The following RBFOX1 variants were observed in gnomAD, a reference collection of about 807,000 sequenced individuals.
The protein encoded by RBFOX1 is RNA binding protein fox-1 homolog 1.
RBFOX1 carries 8 observed loss-of-function variants against 57.7 expected under a neutral mutation model. That is an observed-to-expected ratio of 0.14 (90% CI 0.08 to 0.25). The LOEUF is 0.25. Among genes scored for constraint, RBFOX1 ranks in the 10% least tolerant of loss-of-function variants. The probability of loss-of-function intolerance (pLI) is 1.00; values close to 1 mark genes in which losing one functional copy is unlikely to be tolerated. For missense variants in RBFOX1, 611 were observed against 548.5 expected (o/e 1.11, Z -1.14); for synonymous variants, 326 against 222.4 (o/e 1.47, Z -4.15).
At chr16:6,468,069 G>C (rs144507629) in intron 2 of RBFOX1, among the ~76,000 whole-genome samples, 220 of 152,238 alleles carry the variant, frequency 1.4e-3, no homozygotes, top group Middle Eastern at 6.8e-3. Context: ...TGGTTTGGGG[G>C]AATACGGAGT....
intron 10 of RBFOX1, among the ~76,000 whole-genome samples, chr16:7,623,440 G>A (rs1051621187): frequency 6.6e-6 from 1 of 152,136 alleles, no homozygotes; most frequent in Non-Finnish European, 1.5e-5. Context: ...AGGCAGTGAC[G>A]GATCAGGCAT....
intron 3 of RBFOX1, among the ~76,000 whole-genome samples, chr16:6,815,897 C>G (rs557243876): frequency 6.6e-6 from 1 of 152,220 alleles, no homozygotes; most frequent in East Asian, 1.9e-4. Flanking sequence ...AAATAATTTA[C>G]TTCCACTGAA....
At chr16:5,743,214 A>T (rs1157923306) in intron 3 of RBFOX1, among the ~76,000 whole-genome samples, 1 of 152,244 alleles carries the variant, frequency 6.6e-6, no homozygotes, top group Non-Finnish European at 1.5e-5. Context: ...GAATCTGAAC[A>T]AATAGAAGGC....
chr16:7,354,832 A>G (rs1013951535), intron 4 of RBFOX1, among the ~76,000 whole-genome samples: 2 of 152,226 alleles, frequency 1.3e-5, no homozygotes, highest in African/African-American at 4.8e-5. Context: ...TGTACTAGAC[A>G]GTATGATATA....
intron 3 of RBFOX1, among the ~76,000 whole-genome samples, chr16:6,686,759 A>G (rs893915248): frequency 2.0e-5 from 3 of 151,694 alleles, no homozygotes; most frequent in African/African-American, 7.3e-5. Flanking sequence ...TTTTCTCCCA[A>G]CCTCCCCCAT....
intron 2 of RBFOX1, among the ~76,000 whole-genome samples, chr16:6,390,601 T>C (rs2092552549): frequency 6.6e-6 from 1 of 152,004 alleles, no homozygotes; most frequent in Admixed American, 6.6e-5. Flanking sequence ...ATGATTTAAA[T>C]TAAATAAAAT....
At chr16:7,465,209 G>A (rs1337043207) in intron 4 of RBFOX1, among the ~76,000 whole-genome samples, 1 of 152,076 alleles carries the variant, frequency 6.6e-6, no homozygotes, top group East Asian at 1.9e-4. Context: ...AATCTTGTCA[G>A]CAAACTCTCA....
intron 4 of RBFOX1, among the ~76,000 whole-genome samples, chr16:7,360,004 C>G (rs1036122476): frequency 1.5e-4 from 22 of 146,578 alleles, no homozygotes; most frequent in African/African-American, 5.1e-4. Context: ...AAAAAACAAA[C>G]AAACAAAAAA....
At chr16:6,643,134 A>C (rs1016475554) in intron 2 of RBFOX1, among the ~76,000 whole-genome samples, 2 of 152,350 alleles carry the variant, frequency 1.3e-5, no homozygotes, top group East Asian at 1.9e-4. Context: ...CTTAGTAATT[A>C]AAACATGCAG....
chr16:5,776,893 T>C (rs1363637614), intron 3 of RBFOX1, among the ~76,000 whole-genome samples: 1 of 152,208 alleles, frequency 6.6e-6, no homozygotes, highest in Non-Finnish European at 1.5e-5. Context: ...TTGCCATGGA[T>C]GTATGGATGT....
chr16:6,129,344 G>T (rs1177427076), intron 1 of RBFOX1, among the ~76,000 whole-genome samples: 2 of 152,062 alleles, frequency 1.3e-5, no homozygotes, highest in African/African-American at 4.8e-5. Context: ...GGAATCAAAT[G>T]GAAAGTTTAG....
At position 7,453,487 on chromosome 16, in the gene RBFOX1, A is replaced by G. The variant is rs190370645; in HGVS notation, c.28-64660A>G. 9.6e-4 allele frequency among the ~76,000 whole-genome samples: 146 copies of G among 152,304 alleles called. 1 individual carries two copies. In the Middle Eastern group the frequency reaches 0.01, roughly 11 times the overall value. On this transcript the variant is annotated intron_variant, in intron 4 of 15. Transcript: ENST00000550418. ...TAGGGATTCATTAAAGGTTTTAAGCATTGTAGCCTTAAAAGGACGAGCAGG... is the reference window on the plus strand; with the variant it reads ...TAGGGATTCATTAAAGGTTTTAAGCGTTGTAGCCTTAAAAGGACGAGCAGG...
chr16:5,280,846 C>T (rs1385272313), intron 1 of RBFOX1, among the ~76,000 whole-genome samples: 1 of 150,720 alleles, frequency 6.6e-6, no homozygotes, highest in Admixed American at 6.6e-5. Flanking sequence ...TGGTTAGCCT[C>T]ACTAGTGGTT....
intron 3 of RBFOX1, among the ~76,000 whole-genome samples, chr16:6,918,695 A>G (rs2073806154): frequency 2.6e-5 from 4 of 152,192 alleles, no homozygotes; most frequent in Admixed American, 2.6e-4. Flanking sequence ...GTCGTTTCAG[A>G]GAAAGAAATC....
At chr16:6,869,669 T>C (rs1177005073) in intron 3 of RBFOX1, among the ~76,000 whole-genome samples, 2 of 152,212 alleles carry the variant, frequency 1.3e-5, no homozygotes, top group Non-Finnish European at 2.9e-5. Context: ...TTTACCCTTC[T>C]CAAAACAAAT....
At chr16:6,281,983 G>C (rs891069567) in intron 1 of RBFOX1, among the ~76,000 whole-genome samples, 1 of 152,102 alleles carries the variant, frequency 6.6e-6, no homozygotes, top group East Asian at 1.9e-4. Flanking sequence ...ACGGGTGAGC[G>C]TTTGTTATTG....
chr16:5,719,165 G>T (rs2051833585), intron 3 of RBFOX1, among the ~76,000 whole-genome samples: 2 of 151,376 alleles, frequency 1.3e-5, no homozygotes, highest in African/African-American at 2.4e-5. Flanking sequence ...CGTATCTACG[G>T]AGTTGGAAGG....
chr16:7,102,128 A>G (rs554349090), intron 4 of RBFOX1, among the ~76,000 whole-genome samples: 3 of 152,216 alleles, frequency 2.0e-5, no homozygotes, highest in Admixed American at 6.5e-5. Context: ...GCCTGTGCCT[A>G]CTTCTCTGTT....
At chr16:6,943,419 G>C (rs962370684) in intron 3 of RBFOX1, among the ~76,000 whole-genome samples, 2 of 152,104 alleles carry the variant, frequency 1.3e-5, no homozygotes, top group Non-Finnish European at 2.9e-5. Flanking sequence ...TAAGAGTATG[G>C]GCCTGTGGGC....
Sources: allele counts gnomAD v4.1 joint callset (sites outside exome capture counted in the v4.1 genomes callset), GRCh38; gene constraint gnomAD v4.1.1; transcripts MANE v1.5; gene names NCBI Gene and HGNC (gene_info 2026-07-23, HGNC 2026-07-21).